The following DOCK2 variants were observed in gnomAD, a reference collection of about 807,000 sequenced individuals.
DOCK2 encodes dedicator of cytokinesis protein 2.
In DOCK2, 87 loss-of-function variants were observed where a neutral mutation model predicts 248.9. The observed-to-expected ratio is 0.35, with a 90% CI of 0.29 to 0.42. The LOEUF is 0.42. DOCK2 is among the 10% of genes least tolerant of loss of function. DOCK2 has a pLI of 1.00. For missense variants in DOCK2, 1,747 were observed against 2,300.2 expected (o/e 0.76, Z 4.92); for synonymous variants, 805 against 821.6 (o/e 0.98, Z 0.35).
chr5:169,827,182 T>C (rs1008643005), intron 26 of DOCK2, among the ~76,000 whole-genome samples: 3 of 152,168 alleles, frequency 2.0e-5, no homozygotes, highest in African/African-American at 7.2e-5. Flanking sequence ...AATGCAGCTA[T>C]GGTTATAGAC....
In DOCK2 at chr5:169,810,349, CT is replaced by C. The variant is rs1361776468; in HGVS notation, c.2703+7144del. ...TCATTGGTCTGTGCAAGATCCTCCC[CT>C]GTTCTGTGTGTGTATATGCGTGTGC... On this transcript the variant is annotated intron_variant, in intron 26 of 51. Coordinates refer to ENST00000520908, the MANE Select transcript of DOCK2 (RefSeq NM_004946.3). 2.0e-5 allele frequency among the ~76,000 whole-genome samples: 3 copies of C among 152,308 alleles called. No homozygotes were observed. The East Asian group carries it at 5.8e-4, about 29-fold the overall frequency.
At chr5:169,736,241 G>A (rs531522288) in intron 22 of DOCK2, among the ~76,000 whole-genome samples, 1 of 152,016 alleles carries the variant, frequency 6.6e-6, no homozygotes, top group Non-Finnish European at 1.5e-5. Flanking sequence ...TTCACCCCTC[G>A]TGGCTTGCTT....
chr5:169,978,392 T>TGGGGGGGGGGGGG (rs150934804), intron 27 of DOCK2, among the ~76,000 whole-genome samples: 1 of 22,746 alleles, frequency 4.4e-5, no homozygotes, highest in African/African-American at 1.1e-4. Context: ...TGTGTGTGTG[T>TGGGGGGGGGGGGG]GGGGGGGGGG....
intron 46 of DOCK2, among the ~76,000 whole-genome samples, chr5:170,070,636 C>T (rs1021448163): frequency 6.6e-6 from 1 of 152,166 alleles, no homozygotes; most frequent in African/African-American, 2.4e-5. Context: ...GGCTTTGACT[C>T]GTTCCCATCC....
chr5:169,766,500 C>A (rs1265439498), intron 25 of DOCK2, among the ~76,000 whole-genome samples: 1 of 152,144 alleles, frequency 6.6e-6, no homozygotes, highest in East Asian at 1.9e-4. Flanking sequence ...GATTCCACGT[C>A]TTTGCTATTG....
chr5:170,036,541 G>T lies in DOCK2; in HGVS notation c.3651G>T (p.Glu1217Asp). 2 of 1,613,264 alleles carry T rather than the reference G, an allele frequency of 1.2e-6. No individual in the cohort carries two copies. The highest frequency in any genetic ancestry group is 1.7e-6 in the Non-Finnish European group (2 of 1,179,610). ...LLNFYKDNNR[E>D]EMYIRYLYKL... is the part of the protein sequence containing the mutation. ...ATTTCTACAAAGATAACAACAGGGA[G>T]GAGATGTACATAAGGTAAGATTCAT... Residue 1217 changes from glutamate (E) to aspartate (D), a missense_variant, in exon 36 of 52, where the codon GAG becomes GAT. Physicochemically the swap from Glu to Asp is conservative, Grantham distance 45 (BLOSUM62 2). Transcript: ENST00000520908.
intron 22 of DOCK2, among the ~76,000 whole-genome samples, chr5:169,746,321 T>C (rs1478473087): frequency 6.6e-6 from 1 of 150,554 alleles, no homozygotes; most frequent in Non-Finnish European, 1.5e-5. Flanking sequence ...GAAAGAAGGG[T>C]GAGGGGAAGG....
intron 44 of DOCK2, among the ~76,000 whole-genome samples, chr5:170,058,684 G>A (rs1757221366): frequency 6.6e-6 from 1 of 152,186 alleles, no homozygotes; most frequent in Non-Finnish European, 1.5e-5. Flanking sequence ...ACCAGATCAT[G>A]TAGGACCTTG....
At chr5:169,656,198 TC>T (rs1449108417) in intron 2 of DOCK2, among the ~76,000 whole-genome samples, 1 of 152,100 alleles carries the variant, frequency 6.6e-6, no homozygotes, top group Non-Finnish European at 1.5e-5. Context: ...GCAGCAACTC[TC>T]CTCAGTGCCT....
intron 25 of DOCK2, among the ~76,000 whole-genome samples, chr5:169,775,500 A>G (rs935711440): frequency 3.3e-5 from 5 of 152,118 alleles, no homozygotes; most frequent in Non-Finnish European, 7.4e-5. Context: ...TGATATAGAA[A>G]ACAGACAAAA....
chr5:170,077,695 G>C lies in DOCK2; in HGVS notation c.4867-15G>C. ...CCAGGCTACAGCTGCTAACCACCCT[G>C]TTCTCCCACCACAGCCTGACTTTGA... On this transcript the variant is annotated splice_polypyrimidine_tract_variant and intron_variant, in intron 47 of 51. Coordinates refer to ENST00000520908, the MANE Select transcript of DOCK2 (RefSeq NM_004946.3). The C allele has an allele frequency of 6.2e-7, 1 of 1,613,308 alleles. No homozygotes were observed. Among genetic ancestry groups the C allele is most frequent in the Non-Finnish European group, 8.5e-7 (1 of 1,179,610 alleles).
rs149853735 is a variant in DOCK2 at position 170,027,898 on chromosome 5, G to A, written c.3417G>A (p.Glu1139=). The change falls in exon 34 of 52, where the codon GAG becomes GAA. Residue 1139 remains glutamate (E), a synonymous_variant. Coordinates refer to ENST00000520908, the MANE Select transcript of DOCK2 (RefSeq NM_004946.3). ...ENEIILKLDH[E]VEGGRGDEQY... Reference sequence around the variant, plus strand: ...AAATCATCCTGAAGCTGGACCACGAGGTAGAAGGGGGCCGAGGCGACGAGC... The same window carrying A: ...AAATCATCCTGAAGCTGGACCACGAAGTAGAAGGGGGCCGAGGCGACGAGC... 365 of 1,613,314 alleles carry A rather than the reference G, an allele frequency of 2.3e-4. No individual in the cohort carries two copies. The African/African-American group carries it at 4.3e-3, about 19-fold the overall frequency.
Position 169,716,779 on chromosome 5 carries a change from A to G in DOCK2, c.2031+477A>G, listed in dbSNP as rs187849895. ...ATCTTCCTTCTTTTAGTCCTCCCCT[A>G]TGGTCTTTTTGTCCTCTCCCTATCT... On this transcript the variant is annotated intron_variant, in intron 20 of 51. Coordinates refer to ENST00000520908, the MANE Select transcript of DOCK2 (RefSeq NM_004946.3). Among the ~76,000 whole-genome samples the G allele has an allele frequency of 1.2e-4, 19 of 152,120 alleles. No individual in the cohort carries two copies. In the East Asian group the frequency reaches 2.9e-3, roughly 23 times the overall value.
At chr5:169,741,600 T>C (rs763953093) in intron 22 of DOCK2, among the ~76,000 whole-genome samples, 4 of 152,176 alleles carry the variant, frequency 2.6e-5, no homozygotes. Flanking sequence ...GGCAAATTAT[T>C]GGCTCAGGGG....
In DOCK2 at chr5:169,671,059, T is replaced by G; in HGVS notation, c.225-19T>G. On this transcript the variant is annotated intron_variant, in intron 4 of 51. Transcript: ENST00000520908. ...CCTGGGTCTCAATTTCACACCACTT[T>G]TTCTCCCACCTTAAATAGAAATACT... 6.2e-7 allele frequency: 1 copy of G among 1,610,770 alleles called. No homozygotes were observed. The highest frequency in any genetic ancestry group is 8.5e-7 in the Non-Finnish European group (1 of 1,177,674).
intron 9 of DOCK2, among the ~76,000 whole-genome samples, chr5:169,694,722 G>A (rs1760513141): frequency 6.6e-6 from 1 of 152,164 alleles, no homozygotes; most frequent in African/African-American, 2.4e-5. Flanking sequence ...GCTCATGTCT[G>A]TAATCCCAGC....
intron 5 of DOCK2, 110 bp downstream of exon 5, chr5:169,671,284 A>G: frequency 1.1e-6 from 1 of 898,414 alleles, no homozygotes. Context: ...CTTTGGTGAC[A>G]TAGCAGAGCG....
At chr5:169,678,532 GGATTACA>G (rs1425220334) in intron 6 of DOCK2, among the ~76,000 whole-genome samples, 2 of 151,938 alleles carry the variant, frequency 1.3e-5, no homozygotes, top group African/African-American at 2.4e-5. Flanking sequence ...AAAAGTGCTG[GGATTACA>G]GTCATAAGCC....
intron 27 of DOCK2, among the ~76,000 whole-genome samples, chr5:169,971,973 C>A (rs1272556334): frequency 1.3e-5 from 2 of 152,258 alleles, no homozygotes; most frequent in Admixed American, 6.5e-5. Flanking sequence ...CCTGCCCTTG[C>A]CCATGGCAGA....
Sources: gnomAD v4.1 joint callset for allele counts (sites outside exome capture counted in the v4.1 genomes callset) on GRCh38, gnomAD v4.1.1 for gene constraint, MANE v1.5 for transcripts, NCBI Gene and HGNC (gene_info 2026-07-23, HGNC 2026-07-21) for gene names.